WDR27: variants seen among roughly 807,000 people sequenced by gnomAD.
WDR27 encodes WD repeat-containing protein 27.
Under a neutral mutation model 114.4 loss-of-function variants are expected in WDR27, and 100 were observed. The ratio of observed to expected loss-of-function variants is 0.87; its 90% CI spans 0.74 to 1.03. The LOEUF is 1.03. Among genes scored for constraint, WDR27 ranks in the 50% least tolerant of loss-of-function variants. The pLI is 0.00. For synonymous variants in WDR27, 449 were observed against 423.1 expected (o/e 1.06, Z -0.75); for missense variants, 1,129 against 1,092.9 (o/e 1.03, Z -0.47).
intron 25 of WDR27, chr6:169,558,304 T>C (rs777488316): frequency 6.6e-6 from 1 of 152,140 alleles, no homozygotes; most frequent in Non-Finnish European, 1.5e-5. Flanking sequence ...GAAGCATCAA[T>C]TGAACAGGGC....
chr6:169,683,217 A>G (rs548755299), intron 2 of WDR27, among the ~76,000 whole-genome samples: 48 of 152,348 alleles, frequency 3.2e-4, no homozygotes, highest in Non-Finnish European at 6.5e-4. Context: ...AAAGTTACCA[A>G]TAAGATTCAA....
intron 25 of WDR27, among the ~76,000 whole-genome samples, chr6:169,525,075 T>C (rs1051644190): frequency 6.6e-6 from 1 of 152,010 alleles, no homozygotes; most frequent in Non-Finnish European, 1.5e-5. Flanking sequence ...TGAAGCAGCA[T>C]GATAGTAAAA....
Position 169,662,337 on chromosome 6 carries a change from T to G in WDR27, c.992A>C (p.Asp331Ala). The change falls in exon 9 of 26, where the codon GAT (aspartate) becomes GCT (alanine). Residue 331 changes from aspartate (D) to alanine (A), a missense_variant. Coordinates refer to ENST00000448612, the MANE Select transcript of WDR27 (RefSeq NM_182552.5). ...TFPVLRLAPC[D>A]LSLIPNSACG... ...TGCAGAATTTGGGATGAGTGAGAGA[T>G]CACAGGGTGCAAGTCTCAGTACAGG... is the stretch of plus-strand genomic sequence containing the variant. 1.2e-6 allele frequency: 2 copies of G among 1,613,980 alleles called. No individual in the cohort carries two copies. The highest frequency in any genetic ancestry group is 1.7e-6 in the Non-Finnish European group (2 of 1,179,836).
At chr6:169,549,915 A>G (rs1328567202) in intron 25 of WDR27, among the ~76,000 whole-genome samples, 20 of 152,238 alleles carry the variant, frequency 1.3e-4, no homozygotes. Flanking sequence ...GTGGAACTAC[A>G]GTATGTAGAG....
rs554692628 is a variant in WDR27 at position 169,550,109 on chromosome 6, A to G, written c.2645+22310T>C. 8.0e-4 allele frequency among the ~76,000 whole-genome samples: 122 copies of G among 152,318 alleles called. 1 individual carries two copies. The highest frequency in any genetic ancestry group is 1.8e-3 in the Admixed American group (28 of 15,300). The stretch of plus-strand genomic sequence containing the variant: ...TACCACTCTGGTGGAAGATAGGGAC[A>G]GGGGGCCAGGAGGCACAAGGGAAAT... On this transcript the variant is annotated intron_variant, in intron 25 of 25. Transcript: ENST00000448612.
intron 22 of WDR27, among the ~76,000 whole-genome samples, chr6:169,604,341 T>G (rs1808671480): frequency 6.6e-6 from 1 of 151,710 alleles, no homozygotes; most frequent in Non-Finnish European, 1.5e-5. Flanking sequence ...ACTCACAAAA[T>G]AGAAAACCTA....
intron 17 of WDR27, among the ~76,000 whole-genome samples, chr6:169,641,840 C>T (rs1055044837): frequency 6.6e-6 from 1 of 152,276 alleles, no homozygotes; most frequent in Non-Finnish European, 1.5e-5. Flanking sequence ...CTCCAGGGCG[C>T]GTCACAGATG....
intron 22 of WDR27, among the ~76,000 whole-genome samples, chr6:169,607,430 TATAA>T (rs1562682112): frequency 4.6e-5 from 2 of 43,046 alleles, no homozygotes; most frequent in East Asian, 4.6e-4. Context: ...ACACATATAA[TATAA>T]TATTATTCAG....
chr6:169,535,781 G>T lies in WDR27; in HGVS notation c.2645+36638C>A, dbSNP rs545536313. ...AAGAGCAACAAAGGAGGTTCAAGAT[G>T]AAGGTTAGAGAGTACAGGTTTCTCA... On this transcript the variant is annotated intron_variant, in intron 25 of 25. Coordinates refer to ENST00000448612, the MANE Select transcript of WDR27 (RefSeq NM_182552.5). Among the ~76,000 whole-genome samples the T allele has an allele frequency of 2.0e-5, 3 of 152,334 alleles. No homozygotes were observed. The East Asian group carries it at 5.8e-4, about 29-fold the overall frequency.
At chr6:169,585,851 G>A (rs762593645) in intron 23 of WDR27, among the ~76,000 whole-genome samples, 5 of 152,154 alleles carry the variant, frequency 3.3e-5, no homozygotes, top group Non-Finnish European at 7.3e-5. Flanking sequence ...GGAGGCAGCA[G>A]AGGCAGGCTC....
intron 10 of WDR27, among the ~76,000 whole-genome samples, chr6:169,660,402 C>T (rs868421623): frequency 2.8e-4 from 43 of 152,196 alleles, no homozygotes; most frequent in Non-Finnish European, 2.8e-4. Context: ...GGGGCCCGGG[C>T]GGCCTGGAGT....
chr6:169,614,948 A>C (rs1341328565), intron 21 of WDR27, among the ~76,000 whole-genome samples: 1 of 152,190 alleles, frequency 6.6e-6, no homozygotes, highest in East Asian at 1.9e-4. Flanking sequence ...TAAAGAGTAA[A>C]AAACTGAACA....
At chr6:169,678,109 CTG>C (rs1412366791) in intron 2 of WDR27, among the ~76,000 whole-genome samples, 1 of 152,234 alleles carries the variant, frequency 6.6e-6, no homozygotes. Context: ...CCTACTAGAG[CTG>C]TGAGAAGAGG....
downstream of WDR27, among the ~76,000 whole-genome samples, chr6:169,453,798 T>G (rs370444453): frequency 1.6e-4 from 24 of 152,228 alleles, 1 homozygote; most frequent in Admixed American, 1.2e-3. Context: ...TTGGGCTCAT[T>G]AAATGTAAGA....
intron 25 of WDR27, among the ~76,000 whole-genome samples, chr6:169,479,366 T>C (rs924307101): frequency 1.3e-5 from 2 of 152,082 alleles, no homozygotes; most frequent in African/African-American, 2.4e-5. Context: ...AGAATGGCTA[T>C]TAAAAAGCCA....
chr6:169,534,764 T>C (rs556383482), intron 25 of WDR27, among the ~76,000 whole-genome samples: 22 of 152,118 alleles, frequency 1.4e-4, no homozygotes, highest in Non-Finnish European at 2.9e-4. Flanking sequence ...TTTTAGTAAT[T>C]TGAGTCTTCT....
chr6:169,616,043 A>G (rs1811751852), intron 21 of WDR27, among the ~76,000 whole-genome samples: 1 of 152,184 alleles, frequency 6.6e-6, no homozygotes, highest in African/African-American at 2.4e-5. Context: ...ACTAGAAAAA[A>G]AAACAGATAT....
rs547919416 is a variant in WDR27, at chr6:169,528,811, G to A, written c.2645+43608C>T. On this transcript the variant is annotated intron_variant, in intron 25 of 25. Transcript: ENST00000448612. ...CAAAGTGTTAGGATTGCAGGTATGA[G>A]CCATCACACCTGGCCTAAAATAATT... 5.7e-4 allele frequency among the ~76,000 whole-genome samples: 87 copies of A among 152,300 alleles called. 1 individual carries two copies. Among genetic ancestry groups the A allele is most frequent in the African/African-American group, 1.8e-3 (74 of 41,574 alleles).
chr6:169,591,836 G>A (rs1805804054), intron 23 of WDR27, among the ~76,000 whole-genome samples: 1 of 151,838 alleles, frequency 6.6e-6, no homozygotes, highest in South Asian at 2.1e-4. Context: ...CTTGTTATAT[G>A]ACTCCATTAC....
Sources: allele counts gnomAD v4.1 joint callset (sites outside exome capture counted in the v4.1 genomes callset), GRCh38; gene constraint gnomAD v4.1.1; transcripts MANE v1.5; gene names NCBI Gene and HGNC (gene_info 2026-07-23, HGNC 2026-07-21).